The following REPS2 variants were observed in gnomAD, a reference collection of about 807,000 sequenced individuals.
REPS2 encodes the protein RALBP1 associated Eps domain containing 2.
REPS2 carries 23 observed loss-of-function variants against 53.6 expected under a neutral mutation model. That is an observed-to-expected ratio of 0.43 (90% confidence interval 0.31 to 0.61). The LOEUF (loss-of-function observed/expected upper bound fraction) is 0.61, where lower values mean the gene tolerates loss of function less well. Ranked by LOEUF, REPS2 falls within the 20% of genes least tolerant of loss-of-function variation. The probability of loss-of-function intolerance (pLI) is 0.11; values close to 1 mark genes in which losing one functional copy is unlikely to be tolerated. For missense variants in REPS2, 446 were observed against 534.9 expected (o/e 0.83, Z 1.64); for synonymous variants, 238 against 218.6 (o/e 1.09, Z -0.78).
intron 6 of REPS2, among the ~76,000 whole-genome samples, chrX:17,050,181 TC>T (rs2061970885): frequency 2.0e-4 from 11 of 54,098 alleles, no homozygotes; most frequent in African/African-American, 9.2e-4. Flanking sequence ...TTTCTTTCTT[TC>T]TTTCTTTCTT....
At chrX:17,117,998 C>T (rs1408538202) in intron 14 of REPS2, among the ~76,000 whole-genome samples, 8 of 78,944 alleles carry the variant, frequency 1.0e-4, no homozygotes, top group Middle Eastern at 0.011. Context: ...CTCGCTCTGT[C>T]GCCCAGGCTG....
intron 8 of REPS2, among the ~76,000 whole-genome samples, chrX:17,059,715 C>T (rs1366933167): frequency 2.7e-5 from 3 of 111,173 alleles, no homozygotes; most frequent in Non-Finnish European, 5.7e-5. Flanking sequence ...GATCCACCCA[C>T]CTCGGCCTCC....
At chrX:17,013,638 G>A (rs1446825987) in intron 2 of REPS2, among the ~76,000 whole-genome samples, 2 of 108,750 alleles carry the variant, frequency 1.8e-5, no homozygotes, top group African/African-American at 3.4e-5. Flanking sequence ...GTGTGTGTGT[G>A]TGTGTGTGTG....
intron 1 of REPS2, among the ~76,000 whole-genome samples, chrX:17,003,607 G>T (rs1370921388): frequency 6.3e-5 from 7 of 111,656 alleles, no homozygotes; most frequent in African/African-American, 2.3e-4. Context: ...AAAGAATCTG[G>T]ATTTTGCTAG....
chrX:17,080,189 A>G (rs1486745513), intron 13 of REPS2, among the ~76,000 whole-genome samples: 1 of 110,533 alleles, frequency 9.0e-6, no homozygotes, highest in Non-Finnish European at 1.9e-5. Context: ...CTGTGCTTTG[A>G]TGGAGAGATC....
At chrX:17,164,855 T>G in the REPS2 span, among the ~76,000 whole-genome samples, 1 of 111,268 alleles carries the variant, frequency 9.0e-6, no homozygotes, top group East Asian at 2.8e-4. Flanking sequence ...AAATAGAAAA[T>G]ATAAAAACAA....
At chrX:17,087,899 G>A (rs1460447729) in intron 13 of REPS2, among the ~76,000 whole-genome samples, 1 of 109,756 alleles carries the variant, frequency 9.1e-6, no homozygotes, top group Non-Finnish European at 1.9e-5. Flanking sequence ...ACTGCAGCCT[G>A]GGCAAGGACA....
At chrX:17,027,558 T>G (rs1454385584) in intron 4 of REPS2, among the ~76,000 whole-genome samples, 1 of 110,697 alleles carries the variant, frequency 9.0e-6, no homozygotes, top group Non-Finnish European at 1.9e-5. Context: ...GTCATTTCCC[T>G]GGCTCCTAGG....
Position 17,152,417 on chromosome X carries a change from C to A in REPS2, c.*4936C>A, listed in dbSNP as rs1390174675. ...CTGCTGTCAACAATTGGGAAATGCT[C>A]ATTTTTTCATGTTTTGTGAATACTC... On this transcript the variant is annotated 3_prime_UTR_variant, in exon 18 of 18. Coordinates refer to ENST00000357277, the MANE Select transcript of REPS2 (RefSeq NM_004726.3). 8.9e-6 allele frequency: 1 copy of A among 112,232 alleles called. No individual in the cohort carries two copies. The highest frequency in any genetic ancestry group is 1.9e-5 in the Non-Finnish European group (1 of 53,210). 9.2% of individuals were successfully genotyped at this position (112,232 alleles called of 1,213,427 possible). A position where few individuals can be genotyped will look rare whatever the true frequency, so the allele number is the denominator to read the frequency against.
At chrX:17,033,681 C>T (rs1029845851) in intron 5 of REPS2, among the ~76,000 whole-genome samples, 4 of 112,326 alleles carry the variant, frequency 3.6e-5, no homozygotes, top group African/African-American at 1.3e-4. Flanking sequence ...ATTGTATTAG[C>T]CTCTCTCTTG....
At chrX:17,050,179 TTTCTTTCTTTCTTTC>T (rs1162408840) in intron 6 of REPS2, among the ~76,000 whole-genome samples, 2 of 54,613 alleles carry the variant, frequency 3.7e-5, no homozygotes, top group African/African-American at 1.7e-4. Flanking sequence ...TCTTTCTTTC[TTTCTTTCTTTCTTTC>T]TTTTTTTTTT....
At chrX:16,967,793 G>A (rs1260420958) in intron 1 of REPS2, among the ~76,000 whole-genome samples, 1 of 109,105 alleles carries the variant, frequency 9.2e-6, no homozygotes, top group Non-Finnish European at 1.9e-5. Flanking sequence ...ATGTACTATG[G>A]CATATCTCAA....
At chrX:17,035,915 C>T (rs1352524850) in intron 5 of REPS2, among the ~76,000 whole-genome samples, 1 of 112,021 alleles carries the variant, frequency 8.9e-6, no homozygotes, top group Non-Finnish European at 1.9e-5. Flanking sequence ...ATCTAACATG[C>T]ATTTAGCACT....
chrX:17,141,289 A>G (rs1411707733), intron 17 of REPS2, among the ~76,000 whole-genome samples: 2 of 112,175 alleles, frequency 1.8e-5, no homozygotes, highest in African/African-American at 3.2e-5. Context: ...GCGGTGTCTT[A>G]CAACTTATAC....
chrX:17,181,717 C>T, the REPS2 span, among the ~76,000 whole-genome samples: 1 of 112,522 alleles, frequency 8.9e-6, no homozygotes, highest in Middle Eastern at 4.6e-3. Flanking sequence ...ACTCAATAAA[C>T]ATGAGTTTTC....
intron 7 of REPS2, among the ~76,000 whole-genome samples, chrX:17,053,148 A>G: frequency 9.0e-6 from 1 of 111,709 alleles, no homozygotes; most frequent in Middle Eastern, 4.6e-3. Flanking sequence ...AAAACATTAT[A>G]ATGTTTATAT....
intron 13 of REPS2, among the ~76,000 whole-genome samples, chrX:17,101,351 C>T (rs1436542909): frequency 2.7e-5 from 3 of 110,995 alleles, no homozygotes; most frequent in East Asian, 5.6e-4. Context: ...CGTGAGCCAT[C>T]GCGCCAGGCC....
intron 9 of REPS2, among the ~76,000 whole-genome samples, chrX:17,067,606 T>TC (rs1009940623): frequency 5.4e-5 from 6 of 112,029 alleles, no homozygotes; most frequent in Non-Finnish European, 1.1e-4. Context: ...TGTGAGGACT[T>TC]CCCCCCTGTT....
intron 13 of REPS2, among the ~76,000 whole-genome samples, chrX:17,101,158 A>G (rs1384633787): frequency 9.7e-6 from 1 of 103,245 alleles, no homozygotes; most frequent in Non-Finnish European, 2.0e-5. Flanking sequence ...GGTTCACGCC[A>G]TTCTCCTGCC....
Sources: allele counts gnomAD v4.1 joint callset (sites outside exome capture counted in the v4.1 genomes callset), GRCh38; gene constraint gnomAD v4.1.1; transcripts MANE v1.5; gene names NCBI Gene and HGNC (gene_info 2026-07-23, HGNC 2026-07-21).